Variants in CACNA2D3 observed in about 807,000 individuals in gnomAD.
The protein encoded by CACNA2D3 is voltage-dependent calcium channel subunit alpha-2/delta-3.
A neutral mutation model predicts 160.6 loss-of-function variants in CACNA2D3; 60 were observed. The observed-to-expected ratio is 0.37, with a 90% CI of 0.30 to 0.46. CACNA2D3 has a LOEUF of 0.46. CACNA2D3 is among the 20% of genes least tolerant of loss of function. The pLI is 1.00. For missense variants in CACNA2D3, 1,205 were observed against 1,365.0 expected (o/e 0.88, Z 1.85); for synonymous variants, 558 against 492.9 (o/e 1.13, Z -1.75).
At chr3:54,382,044 T>C (rs1315147379) in intron 3 of CACNA2D3, among the ~76,000 whole-genome samples, 3 of 152,196 alleles carry the variant, frequency 2.0e-5, no homozygotes, top group Non-Finnish European at 2.9e-5. Context: ...AAACTGCTGT[T>C]TTCTCTTACC....
At chr3:54,717,951 C>G (rs1701094807) in intron 11 of CACNA2D3, among the ~76,000 whole-genome samples, 1 of 152,080 alleles carries the variant, frequency 6.6e-6, no homozygotes, top group African/African-American at 2.4e-5. Context: ...TCCCTGTGAT[C>G]ACTAATGTTG....
intron 11 of CACNA2D3, among the ~76,000 whole-genome samples, chr3:54,671,797 T>C (rs1700168603): frequency 6.6e-6 from 1 of 151,962 alleles, no homozygotes; most frequent in African/African-American, 2.4e-5. Flanking sequence ...AATTGGGAGG[T>C]TGCCAAGACC....
At chr3:54,133,860 A>T (rs1384419779) in intron 2 of CACNA2D3, among the ~76,000 whole-genome samples, 1 of 152,086 alleles carries the variant, frequency 6.6e-6, no homozygotes, top group African/African-American at 2.4e-5. Flanking sequence ...AAACTCTGGG[A>T]CCAGATGGAT....
chr3:54,687,144 T>TTTTTG (rs1700477059), intron 11 of CACNA2D3, among the ~76,000 whole-genome samples: 1 of 74,496 alleles, frequency 1.3e-5, no homozygotes, highest in Non-Finnish European at 2.9e-5. Flanking sequence ...TGTTTTTTTT[T>TTTTTG]TTTTTTGTTT....
intron 35 of CACNA2D3, among the ~76,000 whole-genome samples, chr3:55,019,794 G>C (rs1215217603): frequency 5.3e-5 from 8 of 152,182 alleles, no homozygotes; most frequent in Non-Finnish European, 1.0e-4. Context: ...AAAGCGATGA[G>C]ATTAGGCAAC....
At chr3:54,312,238 G>A (rs899046571) in intron 2 of CACNA2D3, among the ~76,000 whole-genome samples, 1 of 152,164 alleles carries the variant, frequency 6.6e-6, no homozygotes, top group Non-Finnish European at 1.5e-5. Context: ...AGGGCCTTCT[G>A]TTAATCCTCA....
At chr3:54,153,894 T>C (rs114094491) in intron 2 of CACNA2D3, among the ~76,000 whole-genome samples, 12,906 of 152,286 alleles carry the variant, frequency 0.085, 729 homozygotes, top group Middle Eastern at 0.13. Context: ...TGGTGCACTT[T>C]TGATAAAGTG....
intron 11 of CACNA2D3, among the ~76,000 whole-genome samples, chr3:54,655,273 C>A (rs1467865760): frequency 6.6e-6 from 1 of 152,166 alleles, no homozygotes; most frequent in South Asian, 2.1e-4. Flanking sequence ...ATGCTGACAA[C>A]TCAATTTCTC....
intron 35 of CACNA2D3, among the ~76,000 whole-genome samples, chr3:55,027,971 G>C (rs1387664014): frequency 6.6e-6 from 1 of 152,192 alleles, no homozygotes; most frequent in Non-Finnish European, 1.5e-5. Flanking sequence ...TCTTAGAAGA[G>C]ATCCGCTGAC....
At chr3:54,426,681 A>C (rs1366367694) in intron 4 of CACNA2D3, among the ~76,000 whole-genome samples, 1 of 152,244 alleles carries the variant, frequency 6.6e-6, no homozygotes, top group Non-Finnish European at 1.5e-5. Flanking sequence ...TGTGCCACAA[A>C]TAGAGGATAG....
At chr3:54,345,193 T>A (rs186539510) in intron 3 of CACNA2D3, among the ~76,000 whole-genome samples, 1 of 152,360 alleles carries the variant, frequency 6.6e-6, no homozygotes, top group East Asian at 1.9e-4. Flanking sequence ...ATAAACTTGC[T>A]TTCACTTTGC....
intron 13 of CACNA2D3, among the ~76,000 whole-genome samples, chr3:54,789,676 C>T (rs1037583908): frequency 2.6e-5 from 4 of 152,224 alleles, no homozygotes; most frequent in African/African-American, 9.6e-5. Flanking sequence ...GCCTCTGTTT[C>T]ATTTACTCAT....
chr3:54,559,945 A>G (rs968206949), intron 5 of CACNA2D3, among the ~76,000 whole-genome samples: 1 of 152,168 alleles, frequency 6.6e-6, no homozygotes, highest in Non-Finnish European at 1.5e-5. Context: ...TTATGGCTGC[A>G]TAGTATTTCA....
intron 2 of CACNA2D3, among the ~76,000 whole-genome samples, chr3:54,170,144 T>G (rs957146000): frequency 2.0e-5 from 3 of 148,432 alleles, no homozygotes; most frequent in Admixed American, 6.7e-5. Flanking sequence ...GAGCCGAGAT[T>G]GCGCTATTGC....
intron 4 of CACNA2D3, among the ~76,000 whole-genome samples, chr3:54,424,025 A>G (rs190457591): frequency 6.6e-6 from 1 of 151,874 alleles, no homozygotes; most frequent in Admixed American, 6.6e-5. Flanking sequence ...AGTAGCTGGT[A>G]CTATAGCTGC....
intron 9 of CACNA2D3, among the ~76,000 whole-genome samples, chr3:54,601,011 G>A (rs190809368): frequency 1.3e-5 from 2 of 152,090 alleles, no homozygotes; most frequent in African/African-American, 2.4e-5. Context: ...GGAATTGCAC[G>A]ATCCAGAGTG....
At chr3:54,340,159 A>G (rs78461373) in intron 3 of CACNA2D3, among the ~76,000 whole-genome samples, 2 of 152,336 alleles carry the variant, frequency 1.3e-5, no homozygotes, top group African/African-American at 4.8e-5. Context: ...GCTTCTACCA[A>G]TGCTATTTTT....
intron 17 of CACNA2D3, among the ~76,000 whole-genome samples, chr3:54,859,888 G>GATCAAGGT (rs1699248387): frequency 6.6e-6 from 1 of 151,254 alleles, no homozygotes; most frequent in South Asian, 2.1e-4. Flanking sequence ...AAGTCCATAA[G>GATCAAGGT]ATCAAGGTAG....
At chr3:54,624,710 G>C (rs1699059252) in intron 9 of CACNA2D3, among the ~76,000 whole-genome samples, 1 of 152,258 alleles carries the variant, frequency 6.6e-6, no homozygotes, top group African/African-American at 2.4e-5. Context: ...CAGGCAAATA[G>C]AATGAACTTG....
Sources: gnomAD v4.1 joint callset for allele counts (sites outside exome capture counted in the v4.1 genomes callset) on GRCh38, gnomAD v4.1.1 for gene constraint, MANE v1.5 for transcripts, NCBI Gene and HGNC (gene_info 2026-07-23, HGNC 2026-07-21) for gene names.